Variants in SETD5 observed in about 807,000 individuals in gnomAD.
SETD5 encodes the protein SET domain containing 5.
SETD5 carries 44 observed loss-of-function variants against 153.3 expected under a neutral mutation model. The observed-to-expected ratio is 0.29, with a 90% CI of 0.23 to 0.37. The LOEUF (loss-of-function observed/expected upper bound fraction) is 0.37. Among genes scored for constraint, SETD5 ranks in the 10% least tolerant of loss-of-function variants. SETD5 has a pLI of 1.00. For synonymous variants in SETD5, 716 were observed against 645.2 expected (o/e 1.11, Z -1.66); for missense variants, 1,544 against 1,768.0 (o/e 0.87, Z 2.27).
intron 7 of SETD5, among the ~76,000 whole-genome samples, chr3:9,440,091 A>T (rs1407806610): frequency 1.3e-5 from 2 of 152,336 alleles, no homozygotes; most frequent in East Asian, 3.9e-4. Context: ...TCTACTGTTC[A>T]TTTGTATGAA....
chr3:9,453,535 C>A (rs143152059), intron 16 of SETD5, among the ~76,000 whole-genome samples: 1 of 152,066 alleles, frequency 6.6e-6, no homozygotes, highest in Non-Finnish European at 1.5e-5. Flanking sequence ...TATATGTAAT[C>A]CAGATTTCCT....
chr3:9,464,542 G>A lies in SETD5; in HGVS notation c.2594G>A (p.Ser865Asn). The change falls in exon 18 of 23, where the codon AGT (serine) becomes AAT (asparagine). Residue 865 changes from serine to asparagine, a missense_variant. This residue lies in a region of SETD5 where 782 missense variants were observed against 787.2 expected (regional missense o/e 0.99). Transcript: ENST00000402198. ...TPPPPNSGSK[S>N]PQLATPGSSH... The stretch of plus-strand genomic sequence containing the variant: ...CCCCCTCCCAATTCAGGCTCAAAGA[G>A]TCCCCAGCTGGCCACACCTGGCTCA... The A allele has an allele frequency of 6.2e-7, 1 of 1,613,914 alleles. No individual in the cohort carries two copies. Among genetic ancestry groups the A allele is most frequent in the South Asian group, 1.1e-5 (1 of 91,078 alleles).
chr3:9,442,367 TGG>T, intron 10 of SETD5, 122 bp downstream of exon 10: 1 of 721,442 alleles, frequency 1.4e-6, no homozygotes, highest in East Asian at 2.7e-5. Flanking sequence ...TATTTCATCG[TGG>T]GAGGTGAAAA....
chr3:9,405,179 C>T (rs747575627), intron 1 of SETD5, among the ~76,000 whole-genome samples: 1 of 152,182 alleles, frequency 6.6e-6, no homozygotes, highest in Non-Finnish European at 1.5e-5. Flanking sequence ...CTCAGCCTTA[C>T]AGAAAGAAAG....
At chr3:9,467,849 CTG>C (rs944050737) in intron 18 of SETD5, among the ~76,000 whole-genome samples, 2 of 152,004 alleles carry the variant, frequency 1.3e-5, no homozygotes, top group African/African-American at 4.8e-5. Context: ...TTTTTCTGCT[CTG>C]TTGCCAAAAG....
At chr3:9,453,673 T>G (rs2125353584) in intron 16 of SETD5, 66 bp from the exon 17 acceptor site, 1 of 1,455,196 alleles carries the variant, frequency 6.9e-7, no homozygotes, top group East Asian at 2.4e-5. Flanking sequence ...TGATGTACAT[T>G]TAAAACAGGT....
intron 9 of SETD5, among the ~76,000 whole-genome samples, 183 bp from the exon 10 acceptor site, chr3:9,441,945 A>C (rs2041343894): frequency 6.6e-6 from 1 of 152,232 alleles, no homozygotes; most frequent in African/African-American, 2.4e-5. Flanking sequence ...CTCCTTTCCA[A>C]GCCAAGCATT....
In SETD5 at chr3:9,470,581, C is replaced by T. The variant is rs2045191648; in HGVS notation, c.2847C>T (p.Ser949=). The T allele has an allele frequency of 6.2e-7, 1 of 1,613,958 alleles. No individual in the cohort carries two copies. Among genetic ancestry groups the T allele is most frequent in the Non-Finnish European group, 8.5e-7 (1 of 1,179,886 alleles). Residue 949 remains serine, a synonymous_variant, in exon 19 of 23, where the codon TCC becomes TCT. Coordinates refer to ENST00000402198, the MANE Select transcript of SETD5 (RefSeq NM_001080517.3). ...SGHSDLAPHP[S]LGPTSETGFP... ...ATTCTGACCTGGCTCCTCATCCCTC[C>T]CTCGGACCCACTTCTGAGACTGGTT...
intron 1 of SETD5, among the ~76,000 whole-genome samples, chr3:9,418,577 C>G (rs2124859210): frequency 6.6e-6 from 1 of 152,058 alleles, no homozygotes; most frequent in South Asian, 2.1e-4. Context: ...CTGAAGCAGG[C>G]AGATCACCTG....
intron 1 of SETD5, among the ~76,000 whole-genome samples, chr3:9,409,767 AT>A (rs1227773778): frequency 5.3e-5 from 8 of 152,216 alleles, no homozygotes; most frequent in Non-Finnish European, 1.0e-4. Context: ...CTTTTTAAAA[AT>A]ATCACTTGGT....
In SETD5 at chr3:9,434,230, A is replaced by T; in HGVS notation, c.178-104A>T. The T allele has an allele frequency of 6.4e-7, 1 of 1,552,230 alleles. No individual in the cohort carries two copies. ...ATATGTACCATACTTTAGGGGAGAG[A>T]GGGGCCAGTGTTTGGACACTGTTGA... is the stretch of plus-strand genomic sequence containing the variant. On this transcript the variant is annotated intron_variant, in intron 4 of 22. Coordinates refer to ENST00000402198, the MANE Select transcript of SETD5 (RefSeq NM_001080517.3). This position sits in a 1 kb window ranked among gnomAD's most constrained non-coding sequence, Gnocchi z 5.6.
rs371265278 is a variant in SETD5, at chr3:9,470,871, G to C, written c.3137G>C (p.Gly1046Ala). The C allele has an allele frequency of 3.3e-5, 53 of 1,610,506 alleles. No homozygotes were observed. Among genetic ancestry groups the C allele is most frequent in the African/African-American group, 5.3e-5 (4 of 74,870 alleles). ...DLSRGSLSPG[G>A]ERACEGVPSA... Reference sequence around the variant, plus strand: ...TCTCGTGGATCCTTGTCACCTGGTGGTGAAAGGGCCTGTGAAGGAGTCCCA... The same window carrying C: ...TCTCGTGGATCCTTGTCACCTGGTGCTGAAAGGGCCTGTGAAGGAGTCCCA... Residue 1046 changes from glycine to alanine, a missense_variant, in exon 19 of 23, where the codon GGT (glycine) becomes GCT (alanine). By Grantham distance (60) the Gly-to-Ala change is moderately conservative. Around this residue, in one of 9 missense-constraint regions of SETD5, gnomAD observed 782 missense variants for 787.2 expected, o/e 0.99. Transcript: ENST00000402198.
Position 9,455,168 on chromosome 3 carries a change from C to CTTTTTTTTTTTTTTTTT in SETD5, c.2476+1306_2476+1322dup, listed in dbSNP as rs903600741. 7.6e-3 allele frequency among the ~76,000 whole-genome samples: 760 copies of CTTTTTTTTTTTTTTTTT among 99,672 alleles called. 1 individual carries two copies. The highest frequency in any genetic ancestry group is 8.9e-3 in the Non-Finnish European group (453 of 51,100). The allele number at this position is 99,672 out of a possible 152,430, so 65.4% of individuals were successfully genotyped here. ...GTGAATTGCCTTTTTTTCTTTTTTT[C>CTTTTTTTTTTTTTTTTT]TTTTTTTTTTTTTTTTTTTTTTGAA... On this transcript the variant is annotated intron_variant, in intron 17 of 22. Coordinates refer to ENST00000402198, the MANE Select transcript of SETD5 (RefSeq NM_001080517.3).
At chr3:9,425,055 CTTTT>C (rs778883904) in intron 2 of SETD5, among the ~76,000 whole-genome samples, 12 of 83,642 alleles carry the variant, frequency 1.4e-4, no homozygotes, top group Admixed American at 5.7e-4. Flanking sequence ...GACAATGTTT[CTTTT>C]TTTTTTTTTT....
chr3:9,403,954 A>G (rs750854272), intron 1 of SETD5, among the ~76,000 whole-genome samples: 1 of 152,184 alleles, frequency 6.6e-6, no homozygotes, highest in Non-Finnish European at 1.5e-5. Flanking sequence ...TTTATAGGCA[A>G]ATTAGCTGGC....
At chr3:9,431,139 A>G (rs1414893102) in intron 3 of SETD5, 5 of 985,362 alleles carry the variant, frequency 5.1e-6, no homozygotes, top group Admixed American at 6.1e-5. Flanking sequence ...ATCTGATGGC[A>G]ACTATATGCA....
At chr3:9,402,606 C>T (rs2034977727) in intron 1 of SETD5, among the ~76,000 whole-genome samples, 1 of 152,156 alleles carries the variant, frequency 6.6e-6, no homozygotes, top group African/African-American at 2.4e-5. Flanking sequence ...GCTGCTTTCT[C>T]TTCTGTGTTC....
intron 13 of SETD5, among the ~76,000 whole-genome samples, chr3:9,445,971 T>TTTTTTTTTTTG (rs2041919265): frequency 6.9e-6 from 1 of 145,974 alleles, no homozygotes; most frequent in African/African-American, 2.6e-5. Context: ...GGTTGTTTTT[T>TTTTTTTTTTTG]TTTTTTTTTT....
chr3:9,451,352 T>C (rs1469500546), intron 16 of SETD5, among the ~76,000 whole-genome samples: 1 of 152,178 alleles, frequency 6.6e-6, no homozygotes, highest in African/African-American at 2.4e-5. Flanking sequence ...TTGGGATCAT[T>C]GTCCTAAATT....
Sources: gnomAD v4.1 joint callset for allele counts (sites outside exome capture counted in the v4.1 genomes callset) on GRCh38, gnomAD v4.1.1 for gene constraint, gnomAD v4.1.1 regional missense constraint, Gnocchi (gnomAD v3.1) non-coding constraint, MANE v1.5 for transcripts, NCBI Gene and HGNC (gene_info 2026-07-23, HGNC 2026-07-21) for gene names.